Variants in CFLAR observed in about 807,000 individuals in gnomAD.
CFLAR encodes the protein CASP8 and FADD like apoptosis regulator.
A neutral mutation model predicts 51.1 loss-of-function variants in CFLAR; 14 were observed. The ratio of observed to expected loss-of-function variants is 0.27; its 90% confidence interval spans 0.18 to 0.43. CFLAR has a LOEUF of 0.43. CFLAR is among the 20% of genes least tolerant of loss of function. CFLAR has a pLI of 1.00. For synonymous variants in CFLAR, 210 were observed against 211.6 expected (o/e 0.99, Z 0.06); for missense variants, 390 against 566.5 (o/e 0.69, Z 3.16).
chr2:201,129,323 T>G (rs1022663021), intron 1 of CFLAR: 1 of 157,834 alleles, frequency 6.3e-6, no homozygotes, highest in South Asian at 2.0e-4. Context: ...TAAGTTTCCC[T>G]GATTTAGTCA....
intron 8 of CFLAR, chr2:201,150,486 G>C (rs1157481479): frequency 1.3e-5 from 2 of 152,072 alleles, no homozygotes; most frequent in Non-Finnish European, 2.9e-5. Context: ...GACAGAGCAA[G>C]ACCCTGTCTC....
rs1427332190 is a variant in CFLAR, at chr2:201,166,168, GC to G, written c.*2201del. The G allele has an allele frequency of 2.4e-5, 4 of 163,420 alleles. No individual in the cohort carries two copies. The highest frequency in any genetic ancestry group is 1.5e-4 in the South Asian group (1 of 6,470). The allele number at this position is 163,420 out of a possible 1,614,324, so 10.1% of individuals were successfully genotyped here. On this transcript the variant is annotated 3_prime_UTR_variant, in exon 10 of 10. Coordinates refer to ENST00000309955, the MANE Select transcript of CFLAR (RefSeq NM_003879.7). The stretch of plus-strand genomic sequence containing the variant: ...CCAGATGGGGCGGCCAGGCGGACGC[GC>G]CCCCCACCTCCCTCCCGGACGGGAT...
chr2:201,132,430 A>AAAAAAAATAT (rs34318341), intron 2 of CFLAR, among the ~76,000 whole-genome samples: 1 of 137,960 alleles, frequency 7.2e-6, no homozygotes, highest in African/African-American at 2.8e-5. Flanking sequence ...GGGGGGGAAA[A>AAAAAAAATAT]ATATATATAT....
At chr2:201,153,577 T>C (rs1941639518) in intron 8 of CFLAR, 1 of 152,246 alleles carries the variant, frequency 6.6e-6, no homozygotes, top group Admixed American at 6.5e-5. Flanking sequence ...TCTGTCTGGT[T>C]AACTTTGCCA....
At chr2:201,152,587 C>A (rs1039487090) in intron 8 of CFLAR, among the ~76,000 whole-genome samples, 4 of 152,184 alleles carry the variant, frequency 2.6e-5, no homozygotes, top group Non-Finnish European at 5.9e-5. Context: ...TACATAGAGT[C>A]TGATCTCAGA....
chr2:201,136,634 C>T, intron 4 of CFLAR: 1 of 1,395,278 alleles, frequency 7.2e-7, no homozygotes, highest in Non-Finnish European at 9.4e-7. Context: ...GTCTTTTAGA[C>T]TCAGCCTCAG....
rs1943579594 is a variant in CFLAR, at chr2:201,166,451, C to T, written c.*2478C>T. 2 of 164,942 alleles carry T rather than the reference C, an allele frequency of 1.2e-5. No individual in the cohort carries two copies. Among genetic ancestry groups the T allele is most frequent in the South Asian group, 1.3e-4 (1 of 7,454 alleles). The allele number at this position is 164,942 out of a possible 1,614,324, so 10.2% of individuals were successfully genotyped here. A position where few individuals can be genotyped will look rare whatever the true frequency, so the allele number is the denominator to read the frequency against. On this transcript the variant is annotated 3_prime_UTR_variant, in exon 10 of 10. Coordinates refer to ENST00000309955, the MANE Select transcript of CFLAR (RefSeq NM_003879.7). ...GCTCCTCACTTCTCAGACGGGGTGGCCGGGCAGAGAAGCTCCTCACATCCC... is the reference window on the plus strand; with the variant it reads ...GCTCCTCACTTCTCAGACGGGGTGGTCGGGCAGAGAAGCTCCTCACATCCC...
Position 201,165,447 on chromosome 2 carries a change from T to G in CFLAR, c.*1474T>G, listed in dbSNP as rs1943443434. On this transcript the variant is annotated 3_prime_UTR_variant, in exon 10 of 10. Coordinates refer to ENST00000309955, the MANE Select transcript of CFLAR (RefSeq NM_003879.7). ...CACCACACCCGGCTAATTTTTGTAT[T>G]TTTAGTGGAGACAGGGTTTCCACCA... 1 of 151,900 alleles carries G rather than the reference T, an allele frequency of 6.6e-6. No individual in the cohort carries two copies. Among genetic ancestry groups the G allele is most frequent in the East Asian group, 1.9e-4 (1 of 5,192 alleles). 9.4% of individuals were successfully genotyped at this position (151,900 alleles called of 1,614,324 possible).
At position 201,140,298 on chromosome 2, in the gene CFLAR, A is replaced by AGAT. The variant is rs1938372202; in HGVS notation, c.524-58_524-56dup. 6.3e-6 allele frequency: 10 copies of AGAT among 1,580,966 alleles called. No individual in the cohort carries two copies. In the Admixed American group the frequency reaches 1.8e-4, roughly 28 times the overall value. ...TGACCTTGGACTGAACCACTATTGA[A>AGAT]GATTTATTTGATAATAATTTGTAAG... On this transcript the variant is annotated intron_variant, in intron 4 of 9. Coordinates refer to ENST00000309955, the MANE Select transcript of CFLAR (RefSeq NM_003879.7).
At chr2:201,155,761 C>A (rs768357996) in intron 8 of CFLAR, among the ~76,000 whole-genome samples, 4 of 152,058 alleles carry the variant, frequency 2.6e-5, no homozygotes, top group South Asian at 2.1e-4. Flanking sequence ...GTAGCTGGAA[C>A]TACACACAGG....
chr2:201,155,650 G>A (rs1231799102), intron 8 of CFLAR, among the ~76,000 whole-genome samples: 1 of 151,684 alleles, frequency 6.6e-6, no homozygotes, highest in African/African-American at 2.4e-5. Context: ...TTGAGACAGG[G>A]TCTTGCTCTA....
intron 2 of CFLAR, 41 bp downstream of exon 2, chr2:201,130,187 G>GGGGGGGGCA: frequency 2.1e-5 from 6 of 292,380 alleles, no homozygotes; most frequent in African/African-American, 4.9e-5. Flanking sequence ...GGGTGGGAGG[G>GGGGGGGGCA]AGTGAAGTGT....
chr2:201,154,878 G>A (rs1465114277), intron 8 of CFLAR, among the ~76,000 whole-genome samples: 2 of 152,260 alleles, frequency 1.3e-5, no homozygotes, highest in Non-Finnish European at 2.9e-5. Context: ...AAGGCAATGA[G>A]GTGGAGTCTG....
intron 2 of CFLAR, among the ~76,000 whole-genome samples, chr2:201,132,426 G>GGA (rs1553543601): frequency 8.0e-5 from 11 of 137,974 alleles, no homozygotes; most frequent in African/African-American, 2.2e-4. Context: ...CCTAGGGGGG[G>GGA]AAAAATATAT....
At chr2:201,140,173 C>T (rs1179607683) in intron 4 of CFLAR, 184 bp from the exon 5 acceptor site, 8 of 590,388 alleles carry the variant, frequency 1.4e-5, no homozygotes, top group Non-Finnish European at 2.2e-5. Context: ...GCCAGGGCGC[C>T]CTATACTCCA....
chr2:201,166,253 CG>C lies in CFLAR; in HGVS notation c.*2285del. On this transcript the variant is annotated 3_prime_UTR_variant, in exon 10 of 10. Coordinates refer to ENST00000309955, the MANE Select transcript of CFLAR (RefSeq NM_003879.7). ...CTCCCCGACGGGGCGGCTGGCCGGG[CG>C]GGGGCTGACCCCCACGCCTCCCTCC... is the stretch of plus-strand genomic sequence containing the variant. 7.0e-6 allele frequency: 1 copy of C among 143,430 alleles called. No homozygotes were observed. Among genetic ancestry groups the C allele is most frequent in the Non-Finnish European group, 1.6e-5 (1 of 63,992 alleles). 8.9% of individuals were successfully genotyped at this position (143,430 alleles called of 1,614,324 possible). A position where few individuals can be genotyped will look rare whatever the true frequency, so the allele number is the denominator to read the frequency against.
Position 201,116,209 on chromosome 2 carries a change from A to G in CFLAR, c.-410A>G, listed in dbSNP as rs1173295721. ...CAGCGAGCTTGCAGCCTCACCGACG[A>G]GTCTCAACTAAAAGGGACTCCCGGA... On this transcript the variant is annotated 5_prime_UTR_variant, in exon 1 of 10. Coordinates refer to ENST00000309955, the MANE Select transcript of CFLAR (RefSeq NM_003879.7). The surrounding 1 kb of genome is among the most constrained non-coding windows in gnomAD (Gnocchi z 4.8). The G allele has an allele frequency of 6.6e-6, 1 of 152,292 alleles. No individual in the cohort carries two copies. Among genetic ancestry groups the G allele is most frequent in the Admixed American group, 6.5e-5 (1 of 15,278 alleles). The allele number at this position is 152,292 out of a possible 1,614,324, so 9.4% of individuals were successfully genotyped here. A position where few individuals can be genotyped will look rare whatever the true frequency, so the allele number is the denominator to read the frequency against.
Position 201,132,999 on chromosome 2 carries a change from A to AT in CFLAR, c.282-28dup, listed in dbSNP as rs1297608113. On this transcript the variant is annotated intron_variant, in intron 2 of 9. Coordinates refer to ENST00000309955, the MANE Select transcript of CFLAR (RefSeq NM_003879.7). ...GAGTTGTCTTAGGACTGATGTCTGA[A>AT]TTAACTAAATGAACTTGTCTGGTTT... 3.1e-6 allele frequency: 5 copies of AT among 1,604,024 alleles called. No homozygotes were observed. The Admixed American group carries it at 5.0e-5, about 16-fold the overall frequency.
rs1348600868 is a variant in CFLAR at position 201,172,985 on chromosome 2, A to G, written c.*9012A>G. 1 of 152,228 alleles carries G rather than the reference A, an allele frequency of 6.6e-6. No homozygotes were observed. Among genetic ancestry groups the G allele is most frequent in the Admixed American group, 6.5e-5 (1 of 15,276 alleles). 9.4% of individuals were successfully genotyped at this position (152,228 alleles called of 1,614,324 possible). The stretch of plus-strand genomic sequence containing the variant: ...TGAGGAACTGCCAAACTGCTTTTCA[A>G]AGTAGTAGCATCATTTTATATTCCC... On this transcript the variant is annotated 3_prime_UTR_variant, in exon 10 of 10. Coordinates refer to ENST00000309955, the MANE Select transcript of CFLAR (RefSeq NM_003879.7).
Sources: gnomAD v4.1 joint callset for allele counts (sites outside exome capture counted in the v4.1 genomes callset) on GRCh38, gnomAD v4.1.1 for gene constraint, Gnocchi (gnomAD v3.1) non-coding constraint, MANE v1.5 for transcripts, NCBI Gene and HGNC (gene_info 2026-07-23, HGNC 2026-07-21) for gene names.